Variants in PTPRC observed in about 807,000 individuals in gnomAD.
The protein encoded by PTPRC is receptor-type tyrosine-protein phosphatase C.
Under a neutral mutation model 155.9 loss-of-function variants are expected in PTPRC, and 44 were observed. The observed-to-expected ratio is 0.28, with a 90% CI of 0.22 to 0.36. The LOEUF (loss-of-function observed/expected upper bound fraction) is 0.36. PTPRC is among the 10% of genes least tolerant of loss of function. The pLI is 1.00. For missense variants in PTPRC, 1,401 were observed against 1,564.6 expected, an observed-to-expected ratio of 0.90 and a Z score of 1.76; for synonymous variants, 525 against 533.1, an observed-to-expected ratio of 0.98 and a Z score of 0.21.
Position 198,756,031 on chromosome 1 carries a change from G to A in PTPRC, c.3771G>A (p.Gln1257=), listed in dbSNP as rs752027272. The A allele has an allele frequency of 1.1e-5, 17 of 1,613,338 alleles. No individual in the cohort carries two copies. The highest frequency in any genetic ancestry group is 1.4e-5 in the Non-Finnish European group (17 of 1,179,634). Residue 1257 remains glutamine, a synonymous_variant, in exon 33 of 33, where the codon CAG becomes CAA. Coordinates refer to ENST00000442510, the MANE Select transcript of PTPRC (RefSeq NM_002838.5). ...ATAATGAAGTGGACAAAGTAAAGCA[G>A]GATGCTAATTGTGTTAATCCACTTG... ...EFDNEVDKVK[Q]DANCVNPLGA...
rs576416433 is a variant in PTPRC, at chr1:198,696,965, T to C, written c.298+56T>C. ...TCAGGGAATGTCATTTAGAAAATTC[T>C]ACAGTTATCAGTACAACTTGTCTTT... On this transcript the variant is annotated intron_variant, in intron 4 of 32. Coordinates refer to ENST00000442510, the MANE Select transcript of PTPRC (RefSeq NM_002838.5). 199 of 1,448,448 alleles carry C rather than the reference T, an allele frequency of 1.4e-4. 1 individual carries two copies. In the African/African-American group the frequency reaches 2.6e-3, roughly 19 times the overall value. 89.7% of individuals were successfully genotyped at this position (1,448,448 alleles called of 1,614,324 possible).
At chr1:198,679,780 AC>A (rs1665195747) in intron 2 of PTPRC, 1 of 480,274 alleles carries the variant, frequency 2.1e-6, no homozygotes, top group Non-Finnish European at 3.8e-6. Flanking sequence ...CATGTTGACC[AC>A]CAGGAAATGA....
chr1:198,745,490 G>C (rs951126698), intron 26 of PTPRC, among the ~76,000 whole-genome samples: 2 of 151,814 alleles, frequency 1.3e-5, no homozygotes, highest in East Asian at 3.9e-4. Context: ...ATACAAGGGC[G>C]AGTAGGGCAA....
chr1:198,742,821 G>T (rs1194242896), intron 25 of PTPRC, among the ~76,000 whole-genome samples: 1 of 151,676 alleles, frequency 6.6e-6, no homozygotes, highest in African/African-American at 2.4e-5. Context: ...CTGCACCTCA[G>T]TTAAGTCATC....
chr1:198,669,599 C>A (rs1232514216), intron 2 of PTPRC, among the ~76,000 whole-genome samples: 1 of 152,076 alleles, frequency 6.6e-6, no homozygotes, highest in Non-Finnish European at 1.5e-5. Context: ...GACATGGAAT[C>A]CACGGCATGG....
chr1:198,709,111 A>G (rs1350798424), intron 10 of PTPRC, among the ~76,000 whole-genome samples: 1 of 152,206 alleles, frequency 6.6e-6, no homozygotes, highest in African/African-American at 2.4e-5. Flanking sequence ...GTGAGGTGCA[A>G]TTTCAACTTT....
At chr1:198,694,106 G>T (rs1571841127) in intron 3 of PTPRC, 14 of 1,546,786 alleles carry the variant, frequency 9.1e-6, no homozygotes, top group Non-Finnish European at 1.2e-5. Flanking sequence ...TCAGTTGGTG[G>T]CCAAAGGCCC....
chr1:198,673,789 C>T lies in PTPRC; in HGVS notation c.74-18558C>T, dbSNP rs79598022. Among the ~76,000 whole-genome samples, 450 of 152,168 alleles carry T rather than the reference C, an allele frequency of 3.0e-3. 2 individuals carry two copies. The highest frequency in any genetic ancestry group is 9.9e-3 in the African/African-American group (412 of 41,506). ...AAGTGAAACAATTTCCCAAGAAATG[C>T]GGTAGAATAAGCCTTTTGGTTTCTG... is the stretch of plus-strand genomic sequence containing the variant. On this transcript the variant is annotated intron_variant, in intron 2 of 32. Transcript: ENST00000442510.
chr1:198,672,899 G>A (rs768290343), intron 2 of PTPRC, among the ~76,000 whole-genome samples: 2 of 152,124 alleles, frequency 1.3e-5, no homozygotes, highest in Admixed American at 6.6e-5. Flanking sequence ...CCTACTGAAA[G>A]CTCTATAATA....
intron 2 of PTPRC, among the ~76,000 whole-genome samples, chr1:198,664,561 C>T (rs1286069074): frequency 6.6e-6 from 1 of 152,146 alleles, no homozygotes; most frequent in African/African-American, 2.4e-5. Context: ...AGTCATGTTA[C>T]TTGATGACAA....
chr1:198,752,991 T>A (rs928416260), intron 31 of PTPRC, among the ~76,000 whole-genome samples: 1 of 152,064 alleles, frequency 6.6e-6, no homozygotes, highest in Non-Finnish European at 1.5e-5. Flanking sequence ...GTTGTGTTTT[T>A]TAATACTTGG....
chr1:198,677,842 A>G (rs1453691267), intron 2 of PTPRC, among the ~76,000 whole-genome samples: 1 of 152,152 alleles, frequency 6.6e-6, no homozygotes, highest in African/African-American at 2.4e-5. Context: ...CCTCGGAAAT[A>G]TCATTTAACC....
chr1:198,693,090 A>T, intron 3 of PTPRC: 4 of 975,574 alleles, frequency 4.1e-6, no homozygotes, highest in Non-Finnish European at 4.9e-6. Flanking sequence ...TAAAACAATG[A>T]AGACAATTTT....
chr1:198,712,878 C>G, intron 11 of PTPRC, 75 bp from the exon 12 acceptor site: 2 of 1,421,356 alleles, frequency 1.4e-6, no homozygotes, highest in South Asian at 2.4e-5. Flanking sequence ...ATCAATAATG[C>G]ATGCTTATAA....
At position 198,756,021 on chromosome 1, in the gene PTPRC, A is replaced by G; in HGVS notation, c.3761A>G (p.Lys1254Arg). 1 of 1,613,490 alleles carries G rather than the reference A, an allele frequency of 6.2e-7. No individual in the cohort carries two copies. Among genetic ancestry groups the G allele is most frequent in the Non-Finnish European group, 8.5e-7 (1 of 1,179,632 alleles). ...ATTGAATTTGATAATGAAGTGGACA[A>G]AGTAAAGCAGGATGCTAATTGTGTT... is the stretch of plus-strand genomic sequence containing the variant. The part of the protein sequence containing the change: ...DKIEFDNEVD[K>R]VKQDANCVNP... Residue 1254 changes from lysine (K) to arginine (R), a missense_variant, in exon 33 of 33, where the codon AAA becomes AGA. Lys to Arg is a conservative substitution (Grantham distance 26, BLOSUM62 2). Around this residue, in one of 3 missense-constraint regions of PTPRC, gnomAD observed 400 missense variants for 389.5 expected, o/e 1.03. Transcript: ENST00000442510.
intron 28 of PTPRC, among the ~76,000 whole-genome samples, chr1:198,750,031 A>ATTAT (rs1313365279): frequency 7.1e-6 from 1 of 141,614 alleles, no homozygotes; most frequent in African/African-American, 2.9e-5. Flanking sequence ...TTAAATATTT[A>ATTAT]TTATTTATAC....
chr1:198,653,762 G>A (rs116136712), intron 2 of PTPRC, among the ~76,000 whole-genome samples: 1 of 151,820 alleles, frequency 6.6e-6, no homozygotes, highest in African/African-American at 2.4e-5. Context: ...AGGTGTTTGT[G>A]GAAAAGGAAA....
intron 14 of PTPRC, among the ~76,000 whole-genome samples, chr1:198,721,328 C>T (rs924986589): frequency 2.0e-5 from 3 of 151,678 alleles, no homozygotes; most frequent in Admixed American, 1.3e-4. Context: ...AGGTGGCTTT[C>T]GGATTAAAAG....
intron 12 of PTPRC, 115 bp from the exon 13 acceptor site, chr1:198,716,567 C>A: frequency 1.2e-6 from 1 of 862,808 alleles, no homozygotes; most frequent in Non-Finnish European, 1.9e-6. Flanking sequence ...ATTTTTCAAT[C>A]ACTCAATAGT....
Sources: allele counts gnomAD v4.1 joint callset (sites outside exome capture counted in the v4.1 genomes callset), GRCh38; gene constraint gnomAD v4.1.1; regional missense constraint gnomAD v4.1.1; transcripts MANE v1.5; gene names NCBI Gene and HGNC (gene_info 2026-07-23, HGNC 2026-07-21).